Variants in KCNQ2 observed in about 807,000 individuals in gnomAD.
KCNQ2 encodes potassium voltage-gated channel subfamily KQT member 2.
A neutral mutation model predicts 84.8 loss-of-function variants in KCNQ2; 14 were observed. That is an observed-to-expected ratio of 0.17 (90% CI 0.11 to 0.26). KCNQ2 has a LOEUF of 0.26. KCNQ2 is among the 10% of genes least tolerant of loss of function. The pLI is 1.00. For missense variants in KCNQ2, 788 were observed against 1,254.0 expected (o/e 0.63, Z 5.61); for synonymous variants, 599 against 554.1 (o/e 1.08, Z -1.14).
At chr20:63,450,180 CT>C (rs1251671389) in intron 1 of KCNQ2, among the ~76,000 whole-genome samples, 2 of 151,626 alleles carry the variant, frequency 1.3e-5, no homozygotes, top group African/African-American at 4.9e-5. Context: ...TCCCCCACCC[CT>C]CCCTCACCCA....
chr20:63,442,972 CACCATCACCACCATT>C (rs1394933718), intron 4 of KCNQ2, among the ~76,000 whole-genome samples: 2 of 118,618 alleles, frequency 1.7e-5, no homozygotes, highest in South Asian at 3.0e-4. Context: ...CCACCACCAC[CACCATCACCACCATT>C]ACCATCACCA....
chr20:63,412,996 G>A (rs898316058), intron 15 of KCNQ2, among the ~76,000 whole-genome samples: 1 of 152,146 alleles, frequency 6.6e-6, no homozygotes, highest in Non-Finnish European at 1.5e-5. Context: ...TGGGGCCCAC[G>A]GGAACCCTGC....
chr20:63,431,874 A>C (rs1168581573), intron 8 of KCNQ2, among the ~76,000 whole-genome samples: 1 of 151,418 alleles, frequency 6.6e-6, no homozygotes, highest in Non-Finnish European at 1.5e-5. Flanking sequence ...CCCCACCCTC[A>C]GGGAAAGCCC....
chr20:63,442,981 C>CATT (rs2081259305), intron 4 of KCNQ2, among the ~76,000 whole-genome samples: 1 of 35,650 alleles, frequency 2.8e-5, no homozygotes, highest in Non-Finnish European at 5.6e-5. Context: ...CCACCATCAC[C>CATT]ACCATTACCA....
At chr20:63,435,389 A>AC (rs1275920947) in intron 7 of KCNQ2, among the ~76,000 whole-genome samples, 3 of 75,690 alleles carry the variant, frequency 4.0e-5, no homozygotes, top group South Asian at 7.9e-4. Context: ...CCCTATCTCA[A>AC]CAACAACAAA....
At position 63,438,555 on chromosome 20, in the gene KCNQ2, G is replaced by T; in HGVS notation, c.1023+70C>A. On this transcript the variant is annotated intron_variant, in intron 7 of 16. Coordinates refer to ENST00000359125, the MANE Select transcript of KCNQ2 (RefSeq NM_172107.4). This position sits in a 1 kb window ranked among gnomAD's most constrained non-coding sequence, Gnocchi z 5.1. ...ACAGGGCAATGCCAAAGCCCCAGCG[G>T]CCTCCACTCCTCAACAAGGTGGGAC... is the stretch of plus-strand genomic sequence containing the variant. 2 of 1,309,416 alleles carry T rather than the reference G, an allele frequency of 1.5e-6. No homozygotes were observed. The highest frequency in any genetic ancestry group is 2.3e-5 in the East Asian group (1 of 43,482). The allele number at this position is 1,309,416 out of a possible 1,614,324, so 81.1% of individuals were successfully genotyped here.
In KCNQ2 at chr20:63,438,268, C is replaced by T; in HGVS notation, c.1023+357G>A. 1 of 401,346 alleles carries T rather than the reference C, an allele frequency of 2.5e-6. No individual in the cohort carries two copies. Among genetic ancestry groups the T allele is most frequent in the Non-Finnish European group, 4.7e-6 (1 of 212,086 alleles). The allele number at this position is 401,346 out of a possible 1,614,324, so 24.9% of individuals were successfully genotyped here. A position where few individuals can be genotyped will look rare whatever the true frequency, so the allele number is the denominator to read the frequency against. ...GCATCAGGGGTCAGACGAGGTCAGG[C>T]ACTGACTCACTGCAGTGTGTGGGCT... On this transcript the variant is annotated intron_variant, in intron 7 of 16. Coordinates refer to ENST00000359125, the MANE Select transcript of KCNQ2 (RefSeq NM_172107.4). The surrounding 1 kb of genome is among the most constrained non-coding windows in gnomAD (Gnocchi z 5.1).
chr20:63,468,494 G>C (rs2082135140), intron 1 of KCNQ2, among the ~76,000 whole-genome samples: 1 of 152,254 alleles, frequency 6.6e-6, no homozygotes, highest in Non-Finnish European at 1.5e-5. Flanking sequence ...GCTGAATGAA[G>C]GGGTGGGAAA....
intron 1 of KCNQ2, among the ~76,000 whole-genome samples, chr20:63,469,558 G>A (rs2082159678): frequency 6.6e-6 from 1 of 152,236 alleles, no homozygotes; most frequent in Non-Finnish European, 1.5e-5. Context: ...GGCTACCCCG[G>A]GTCCAACAGG....
At position 63,472,617 on chromosome 20, in the gene KCNQ2, ACGCTGCGGCCACCTCGCTC is replaced by A. The variant is rs2082246255; in HGVS notation, c.-173_-155del. 2.2e-6 allele frequency: 1 copy of A among 454,372 alleles called. No homozygotes were observed. The highest frequency in any genetic ancestry group is 9.6e-5 in the South Asian group (1 of 10,458). The allele number at this position is 454,372 out of a possible 1,614,324, so 28.1% of individuals were successfully genotyped here. On this transcript the variant is annotated 5_prime_UTR_variant, in exon 1 of 17. Coordinates refer to ENST00000359125, the MANE Select transcript of KCNQ2 (RefSeq NM_172107.4). Reference sequence around the variant, plus strand: ...TGCCGGGCTTGGGCCGCGCGCGGAGACGCTGCGGCCACCTCGCTCCGCGCGCACCTCGGCGCCTGGCCCG... The same window carrying A: ...TGCCGGGCTTGGGCCGCGCGCGGAGACGCGCGCACCTCGGCGCCTGGCCCG...
At chr20:63,419,243 G>A (rs1568889471) in intron 12 of KCNQ2, among the ~76,000 whole-genome samples, 1 of 150,504 alleles carries the variant, frequency 6.6e-6, no homozygotes, top group Non-Finnish European at 1.5e-5. Flanking sequence ...AGGCAGCCAG[G>A]AAGGCTCAGT....
intron 1 of KCNQ2, among the ~76,000 whole-genome samples, chr20:63,450,213 C>G (rs1302224537): frequency 4.0e-5 from 6 of 151,674 alleles, no homozygotes; most frequent in African/African-American, 1.5e-4. Flanking sequence ...TGCCCCAAAC[C>G]CTCTTCCCAC....
intron 9 of KCNQ2, among the ~76,000 whole-genome samples, chr20:63,430,844 C>T (rs1012402017): frequency 2.0e-5 from 3 of 152,192 alleles, no homozygotes; most frequent in Non-Finnish European, 4.4e-5. Context: ...CTGTGAGCCA[C>T]GGTGGGACAA....
At chr20:63,454,021 T>A (rs55762580) in intron 1 of KCNQ2, among the ~76,000 whole-genome samples, 1 of 152,122 alleles carries the variant, frequency 6.6e-6, no homozygotes, top group Non-Finnish European at 1.5e-5. Flanking sequence ...CTCAGCCTGC[T>A]TCCTAAGGTG....
At chr20:63,436,197 G>A (rs2080997117) in intron 7 of KCNQ2, among the ~76,000 whole-genome samples, 1 of 152,198 alleles carries the variant, frequency 6.6e-6, no homozygotes, top group Non-Finnish European at 1.5e-5. Context: ...GTGAAAGGAA[G>A]AGTGAATCGA....
At chr20:63,418,223 A>C (rs763607597) in intron 12 of KCNQ2, among the ~76,000 whole-genome samples, 2 of 152,204 alleles carry the variant, frequency 1.3e-5, no homozygotes, top group Middle Eastern at 3.4e-3. Flanking sequence ...GCCGCCACCC[A>C]CCTGGGAGGA....
intron 11 of KCNQ2, among the ~76,000 whole-genome samples, chr20:63,420,760 C>T (rs1290766753): frequency 6.6e-6 from 1 of 152,104 alleles, no homozygotes; most frequent in Non-Finnish European, 1.5e-5. Flanking sequence ...TGCAAGACTC[C>T]AAGGGCGGGT....
intron 9 of KCNQ2, 131 bp downstream of exon 9, chr20:63,431,209 G>T: frequency 9.4e-7 from 1 of 1,058,234 alleles, no homozygotes; most frequent in Non-Finnish European, 1.5e-6. Flanking sequence ...AGGGATGCTC[G>T]GTGGGCAGGG....
intron 7 of KCNQ2, chr20:63,434,237 T>G: frequency 2.9e-6 from 1 of 339,222 alleles, no homozygotes; most frequent in Non-Finnish European, 5.4e-6. Context: ...GTATCACCTG[T>G]CCTGGGGGTT....
Sources: allele counts gnomAD v4.1 joint callset (sites outside exome capture counted in the v4.1 genomes callset), GRCh38; gene constraint gnomAD v4.1.1; non-coding constraint Gnocchi (gnomAD v3.1); transcripts MANE v1.5; gene names NCBI Gene and HGNC (gene_info 2026-07-23, HGNC 2026-07-21).